The following EMD variants were observed in gnomAD, a reference collection of about 807,000 sequenced individuals.
EMD encodes LEM domain containing 5.
Under a neutral mutation model 15.2 loss-of-function variants are expected in EMD, and 2 were observed. That is an observed-to-expected ratio of 0.13 (90% CI 0.05 to 0.41). The LOEUF is 0.41. EMD is among the 10% of genes least tolerant of loss of function. The probability of loss-of-function intolerance (pLI) is 0.99; values close to 1 mark genes in which losing one functional copy is unlikely to be tolerated. For synonymous variants in EMD, 122 were observed against 86.2 expected (o/e 1.42, Z -2.30); for missense variants, 224 against 213.4 (o/e 1.05, Z -0.31).
rs1557182529 is a variant in EMD at position 154,380,724 on chromosome X, A to G, written c.400-29A>G. 2.5e-6 allele frequency: 3 copies of G among 1,209,191 alleles called. No homozygotes were observed. In the African/African-American group the frequency reaches 5.2e-5, roughly 21 times the overall value. On this transcript the variant is annotated intron_variant, in intron 4 of 5. Coordinates refer to ENST00000369842, the MANE Select transcript of EMD (RefSeq NM_000117.3). Reference sequence around the variant, plus strand: ...CAGGGCCATGGTGGCCCTGCCAGCCAGTCCCCTCGCCCTGACTCTCTTCTG... The same window carrying G: ...CAGGGCCATGGTGGCCCTGCCAGCCGGTCCCCTCGCCCTGACTCTCTTCTG...
At chrX:154,380,643 C>T (rs2067881752) in intron 4 of EMD, 110 bp from the exon 5 acceptor site, 1 of 1,082,519 alleles carries the variant, frequency 9.2e-7, no homozygotes, top group South Asian at 1.9e-5. Context: ...GGGTTCCTGG[C>T]CTCTAACCAA....
chrX:154,381,273 G>A lies in EMD; in HGVS notation c.*76G>A. On this transcript the variant is annotated 3_prime_UTR_variant, in exon 6 of 6. Transcript: ENST00000369842. ...GGCTGACTGCCTTAGCAGTGGGGGT[G>A]GGGGTGGGGGCAGGGGCAGGGGCTT... 2.1e-6 allele frequency: 2 copies of A among 941,421 alleles called. No homozygotes were observed. The highest frequency in any genetic ancestry group is 2.9e-6 in the Non-Finnish European group (2 of 697,043). 77.6% of individuals were successfully genotyped at this position (941,421 alleles called of 1,213,427 possible). A position where few individuals can be genotyped will look rare whatever the true frequency, so the allele number is the denominator to read the frequency against.
chrX:154,379,787 C>G lies in EMD; in HGVS notation c.180C>G (p.Ser60Arg), dbSNP rs2067875771. ...PPSSSAASSY[S>R]FSDLNSTRGD... ...GCTCGTCCGCCGCCTCCTCTTATAG[C>G]TTCTCTGGTGAGAGCCTCGCCTGTG... is the stretch of plus-strand genomic sequence containing the variant. The change falls in exon 2 of 6, where the codon AGC becomes AGG. Residue 60 changes from serine (S) to arginine (R), a missense_variant. Coordinates refer to ENST00000369842, the MANE Select transcript of EMD (RefSeq NM_000117.3). 1.7e-6 allele frequency: 2 copies of G among 1,204,159 alleles called. No individual in the cohort carries two copies. The highest frequency in any genetic ancestry group is 1.1e-6 in the Non-Finnish European group (1 of 890,818).
At chrX:154,380,831 C>G (rs782669124) in intron 5 of EMD, 29 bp downstream of exon 5, 7 of 1,211,982 alleles carry the variant, frequency 5.8e-6, no homozygotes, top group Non-Finnish European at 6.7e-6. Flanking sequence ...CAGGGACGGG[C>G]TGGTTCTGGG....
rs2067889113 is a variant in EMD, at chrX:154,381,510, C to G, written c.*313C>G. ...TTTTTGTGGACACACAATAAAAGCC[C>G]CGTTTATTTGTAATGCGTTGGCTCT... On this transcript the variant is annotated 3_prime_UTR_variant, in exon 6 of 6. Coordinates refer to ENST00000369842, the MANE Select transcript of EMD (RefSeq NM_000117.3). The G allele has an allele frequency of 3.5e-6, 1 of 288,770 alleles. No homozygotes were observed. Among genetic ancestry groups the G allele is most frequent in the African/African-American group, 2.7e-5 (1 of 36,704 alleles). 23.8% of individuals were successfully genotyped at this position (288,770 alleles called of 1,213,427 possible). A position where few individuals can be genotyped will look rare whatever the true frequency, so the allele number is the denominator to read the frequency against.
rs2067886666 is a variant in EMD at position 154,381,152 on chromosome X, C to G, written c.720C>G (p.Phe240Leu). ...LLFLVFVIVL[F>L]FIYHFMQAEE... The stretch of plus-strand genomic sequence containing the variant: ...TCCTGGTCTTTGTGATCGTCCTCTT[C>G]TTCATTTACCACTTCATGCAGGCTG... The change falls in exon 6 of 6, where the codon TTC becomes TTG. Residue 240 changes from phenylalanine (F) to leucine (L), a missense_variant. Transcript: ENST00000369842. 8.3e-7 allele frequency: 1 copy of G among 1,209,412 alleles called. No individual in the cohort carries two copies. The highest frequency in any genetic ancestry group is 1.8e-5 in the African/African-American group (1 of 56,978).
chrX:154,381,351 C>T lies in EMD; in HGVS notation c.*154C>T. 1 of 715,503 alleles carries T rather than the reference C, an allele frequency of 1.4e-6. No homozygotes were observed. Among genetic ancestry groups the T allele is most frequent in the Non-Finnish European group, 2.0e-6 (1 of 501,284 alleles). 59.0% of individuals were successfully genotyped at this position (715,503 alleles called of 1,213,427 possible). The stretch of plus-strand genomic sequence containing the variant: ...GCCTAGCCCAGAGTAGTGCTTGCTC[C>T]CCCTGCCTTGTCCCACCAGGGAGGC... On this transcript the variant is annotated 3_prime_UTR_variant, in exon 6 of 6. Transcript: ENST00000369842.
intron 4 of EMD, 80 bp downstream of exon 4, chrX:154,380,447 C>G: frequency 8.4e-7 from 1 of 1,195,815 alleles, no homozygotes; most frequent in Non-Finnish European, 1.1e-6. Context: ...CAGGGGGGCA[C>G]TGGGTACAAA....
At chrX:154,380,074 CCCCG>C in intron 3 of EMD, 55 bp downstream of exon 3, 1 of 1,193,584 alleles carries the variant, frequency 8.4e-7, no homozygotes, top group Non-Finnish European at 1.1e-6. Context: ...TCGTCAGGGA[CCCCG>C]CTCACAGGGA....
rs139983160 is a variant in EMD at position 154,380,781 on chromosome X, C to T, written c.428C>T (p.Ser143Phe). The change falls in exon 5 of 6, where the codon TCT becomes TTT. Residue 143 changes from serine (S) to phenylalanine (F), a missense_variant. Transcript: ENST00000369842. ...QVHDDDLLSS[S>F]EEECKDRERP... ...CATGATGACGATCTTTTGTCTTCTT[C>T]TGAAGAGGAGTGCAAGGATAGGTGC... 1.8e-4 allele frequency: 222 copies of T among 1,210,717 alleles called. No individual in the cohort carries two copies. The highest frequency in any genetic ancestry group is 1.4e-3 in the Middle Eastern group (6 of 4,338).
intron 2 of EMD, 26 bp from the exon 3 acceptor site, chrX:154,379,916 A>G: frequency 8.3e-7 from 1 of 1,203,446 alleles, no homozygotes; most frequent in Non-Finnish European, 1.1e-6. Flanking sequence ...GGGGGCAAAC[A>G]GTTCTGTCTC....
In EMD at chrX:154,380,812, G is replaced by C. The variant is rs782467790; in HGVS notation, c.449+10G>C. On this transcript the variant is annotated intron_variant, in intron 5 of 5. Transcript: ENST00000369842. ...AGGAGTGCAAGGATAGGTGCGTAGT[G>C]GGGGAGCCCAGGGACGGGCTGGTTC... 2.1e-5 allele frequency: 26 copies of C among 1,210,481 alleles called. No homozygotes were observed. The highest frequency in any genetic ancestry group is 2.8e-5 in the Non-Finnish European group (25 of 895,238).
In EMD at chrX:154,379,317, GA is replaced by G. The variant is rs1453124302; in HGVS notation, c.-167del. 4.0e-6 allele frequency: 2 copies of G among 499,352 alleles called. No individual in the cohort carries two copies. Among genetic ancestry groups the G allele is most frequent in the Non-Finnish European group, 3.1e-6 (1 of 322,173 alleles). 41.2% of individuals were successfully genotyped at this position (499,352 alleles called of 1,213,427 possible). On this transcript the variant is annotated 5_prime_UTR_variant, in exon 1 of 6. Transcript: ENST00000369842. Reference sequence around the variant, plus strand: ...CGCAGCCTGCGGAGCCAGCGGCCGTGACGCGACAACGATTCGGCTGTGACGC... The same window carrying G: ...CGCAGCCTGCGGAGCCAGCGGCCGTGCGCGACAACGATTCGGCTGTGACGC...
intron 3 of EMD, 35 bp from the exon 4 acceptor site, chrX:154,380,199 A>G (rs1557182421): frequency 2.5e-6 from 3 of 1,210,464 alleles, no homozygotes; most frequent in Non-Finnish European, 2.2e-6. Flanking sequence ...GGGCACACCG[A>G]TGCCCCCTCT....
intron 2 of EMD, 30 bp from the exon 3 acceptor site, chrX:154,379,912 A>G: frequency 8.3e-7 from 1 of 1,203,588 alleles, no homozygotes; most frequent in Non-Finnish European, 1.1e-6. Flanking sequence ...CTGGGGGGGC[A>G]AACAGTTCTG....
intron 3 of EMD, 35 bp downstream of exon 3, chrX:154,380,054 T>A (rs1167397739): frequency 1.1e-5 from 13 of 1,196,262 alleles, no homozygotes; most frequent in Non-Finnish European, 1.4e-5. Flanking sequence ...GCTGGCACCT[T>A]CACCCGACTT....
chrX:154,379,830 G>C (rs376388098), intron 2 of EMD, 36 bp downstream of exon 2: 2 of 1,176,157 alleles, frequency 1.7e-6, no homozygotes, highest in African/African-American at 3.5e-5. Flanking sequence ...CCTGGGACGC[G>C]GGGAGGATGG....
chrX:154,380,887 G>A lies in EMD; in HGVS notation c.455G>A (p.Arg152His), dbSNP rs782317753. ...SSEEECKDRERPMYGRDSAYQ... is the reference protein window; with the variant it reads ...SSEEECKDREHPMYGRDSAYQ... ...GCTCCCCTCTTTTGCCTCAGGGAAC[G>A]CCCCATGTACGGCCGGGACAGTGCC... is the stretch of plus-strand genomic sequence containing the variant. Residue 152 changes from arginine (R) to histidine (H), a missense_variant, in exon 6 of 6, where the codon CGC becomes CAC. Coordinates refer to ENST00000369842, the MANE Select transcript of EMD (RefSeq NM_000117.3). The A allele has an allele frequency of 5.8e-6, 7 of 1,210,458 alleles. No homozygotes were observed. Among genetic ancestry groups the A allele is most frequent in the Admixed American group, 2.2e-5 (1 of 45,958 alleles).
chrX:154,380,924 C>T lies in EMD; in HGVS notation c.492C>T (p.Ile164=), dbSNP rs1286873712. 1 of 1,210,045 alleles carries T rather than the reference C, an allele frequency of 8.3e-7. No individual in the cohort carries two copies. The highest frequency in any genetic ancestry group is 1.7e-5 in the African/African-American group (1 of 57,227). ...GCCGGGACAGTGCCTACCAGAGCATCACGCACTACCGCCCTGTTTCAGCCT... is the reference window on the plus strand; with the variant it reads ...GCCGGGACAGTGCCTACCAGAGCATTACGCACTACCGCCCTGTTTCAGCCT... The part of the protein sequence containing the change: ...MYGRDSAYQS[I]THYRPVSASR... The change falls in exon 6 of 6, where the codon ATC becomes ATT. Residue 164 remains isoleucine (I), a synonymous_variant. Coordinates refer to ENST00000369842, the MANE Select transcript of EMD (RefSeq NM_000117.3).
Sources: gnomAD v4.1 joint callset for allele counts on GRCh38, gnomAD v4.1.1 for gene constraint, MANE v1.5 for transcripts, NCBI Gene and HGNC (gene_info 2026-07-23, HGNC 2026-07-21) for gene names.